SLC39A11: variants seen among roughly 807,000 people sequenced by gnomAD.
The protein encoded by SLC39A11 is zinc transporter ZIP11.
In SLC39A11, 33 loss-of-function variants were observed where a neutral mutation model predicts 36.1. That is an observed-to-expected ratio of 0.91 (90% CI 0.69 to 1.22). The LOEUF is 1.22. Among genes scored for constraint, SLC39A11 ranks in the 50% most tolerant of loss-of-function variants. SLC39A11 has a pLI of 0.00. For missense variants in SLC39A11, 432 were observed against 430.3 expected (o/e 1.00, Z -0.03); for synonymous variants, 166 against 170.3 (o/e 0.97, Z 0.20).
rs142697289 is a variant in SLC39A11 at position 72,892,888 on chromosome 17, A to G, written c.431-43084T>C. ...CAAACTGGAGGGAGTGAGGGAAGGG[A>G]ACGAATGTAGCTAGTCACTCATTGC... On this transcript the variant is annotated intron_variant, in intron 5 of 9. Coordinates refer to ENST00000255559, the MANE Select transcript of SLC39A11 (RefSeq NM_139177.4). Among the ~76,000 whole-genome samples, 7 of 152,310 alleles carry G rather than the reference A, an allele frequency of 4.6e-5. No homozygotes were observed. In the East Asian group the frequency reaches 1.4e-3, roughly 29 times the overall value.
At chr17:73,045,594 T>C (rs1429499976) in intron 3 of SLC39A11, among the ~76,000 whole-genome samples, 1 of 152,172 alleles carries the variant, frequency 6.6e-6, no homozygotes, top group Admixed American at 6.5e-5. Flanking sequence ...TCCAGTCTAA[T>C]AACGCTTAGG....
At chr17:72,972,015 G>T (rs1251769969) in intron 4 of SLC39A11, among the ~76,000 whole-genome samples, 9 of 152,278 alleles carry the variant, frequency 5.9e-5, no homozygotes, top group Admixed American at 3.9e-4. Context: ...AATATGAACT[G>T]TGATCATCAC....
In SLC39A11 at chr17:72,745,972, C is replaced by T. The variant is rs545738019; in HGVS notation, c.602-9253G>A. Among the ~76,000 whole-genome samples the T allele has an allele frequency of 6.6e-5, 10 of 152,170 alleles. No homozygotes were observed. In the South Asian group the frequency reaches 2.1e-3, roughly 32 times the overall value. ...TATTCATTTCCATCTCCCCTAAAGACAGAGTAAGAGAAAAATGACTTAAAT... is the reference window on the plus strand; with the variant it reads ...TATTCATTTCCATCTCCCCTAAAGATAGAGTAAGAGAAAAATGACTTAAAT... On this transcript the variant is annotated intron_variant, in intron 6 of 9. Transcript: ENST00000255559.
intron 7 of SLC39A11, among the ~76,000 whole-genome samples, chr17:72,733,489 A>C (rs529947971): frequency 6.6e-6 from 1 of 152,304 alleles, no homozygotes; most frequent in Admixed American, 6.5e-5. Flanking sequence ...TGCTCAGAAG[A>C]TAAGCTAAGC....
intron 5 of SLC39A11, among the ~76,000 whole-genome samples, chr17:72,903,471 G>C (rs2146973557): frequency 6.6e-6 from 1 of 152,098 alleles, no homozygotes; most frequent in South Asian, 2.1e-4. Context: ...AATAATCAAA[G>C]TTGCTCACGC....
At chr17:72,844,024 A>G (rs761944396) in intron 6 of SLC39A11, among the ~76,000 whole-genome samples, 3 of 151,482 alleles carry the variant, frequency 2.0e-5, no homozygotes, top group African/African-American at 7.4e-5. Context: ...AAAGACAAAA[A>G]ACTTCAAAAA....
intron 4 of SLC39A11, among the ~76,000 whole-genome samples, chr17:72,951,765 C>T (rs565513778): frequency 6.4e-4 from 98 of 152,100 alleles, no homozygotes; most frequent in African/African-American, 2.2e-3. Flanking sequence ...ATGTACTAGC[C>T]CATTATTAAC....
intron 4 of SLC39A11, among the ~76,000 whole-genome samples, chr17:73,003,090 T>C (rs2089911516): frequency 6.6e-6 from 1 of 152,232 alleles, no homozygotes. Context: ...TGAGTATCTC[T>C]GATGGCCCTT....
intron 7 of SLC39A11, among the ~76,000 whole-genome samples, chr17:72,723,551 G>A (rs746365093): frequency 5.3e-5 from 8 of 152,180 alleles, no homozygotes; most frequent in Non-Finnish European, 8.8e-5. Context: ...AAGTACAGGC[G>A]TGAAGAGTGC....
At chr17:72,982,176 A>C (rs1283847391) in intron 4 of SLC39A11, among the ~76,000 whole-genome samples, 1 of 152,180 alleles carries the variant, frequency 6.6e-6, no homozygotes, top group Non-Finnish European at 1.5e-5. Context: ...AAAACCCTAT[A>C]GGGATGGGGT....
At chr17:72,682,115 C>T (rs11077627) in intron 7 of SLC39A11, among the ~76,000 whole-genome samples, 48,266 of 144,612 alleles carry the variant, frequency 0.33, 8,046 homozygotes, top group South Asian at 0.44. Context: ...AAGGGACCTA[C>T]GTTGTGATGA....
chr17:72,756,289 G>A (rs150701014), intron 6 of SLC39A11, among the ~76,000 whole-genome samples: 163 of 152,314 alleles, frequency 1.1e-3, no homozygotes, highest in African/African-American at 3.6e-3. Context: ...GGATACATCC[G>A]TCAAAGCACT....
At chr17:72,997,679 A>T (rs1339814856) in intron 4 of SLC39A11, among the ~76,000 whole-genome samples, 1 of 152,240 alleles carries the variant, frequency 6.6e-6, no homozygotes, top group African/African-American at 2.4e-5. Context: ...TAAATTGCAC[A>T]CTGTTCTGAG....
chr17:73,069,519 G>A (rs1048375378), intron 3 of SLC39A11, among the ~76,000 whole-genome samples: 4 of 152,190 alleles, frequency 2.6e-5, no homozygotes, highest in Admixed American at 6.5e-5. Flanking sequence ...AACAGAACAC[G>A]TTTGGGCCAA....
intron 7 of SLC39A11, among the ~76,000 whole-genome samples, chr17:72,703,732 G>A (rs1167011533): frequency 6.6e-6 from 1 of 152,222 alleles, no homozygotes; most frequent in Non-Finnish European, 1.5e-5. Context: ...ATGAACATAG[G>A]AGATGTTTAG....
chr17:72,911,274 A>G (rs67180784), intron 5 of SLC39A11, among the ~76,000 whole-genome samples: 79,052 of 151,430 alleles, frequency 0.52, 20,568 homozygotes, highest in African/African-American at 0.54. Flanking sequence ...TGTGGGGTGG[A>G]GGAAGGGGGG....
At chr17:73,059,939 G>A (rs1400175257) in intron 3 of SLC39A11, among the ~76,000 whole-genome samples, 2 of 151,974 alleles carry the variant, frequency 1.3e-5, no homozygotes, top group Non-Finnish European at 1.5e-5. Context: ...GCAGGGCGTG[G>A]TGACTCACCC....
At chr17:72,949,384 C>T (rs113972154) in intron 4 of SLC39A11, among the ~76,000 whole-genome samples, 1,627 of 151,958 alleles carry the variant, frequency 0.011, 7 homozygotes, top group South Asian at 0.04. Flanking sequence ...TGGTCTCAAA[C>T]TCCTGACCTC....
At chr17:72,846,382 T>TTG (rs763624450) in intron 6 of SLC39A11, among the ~76,000 whole-genome samples, 7,129 of 152,300 alleles carry the variant, frequency 0.047, 191 homozygotes, top group Non-Finnish European at 0.06. Flanking sequence ...TGACAAAGGC[T>TTG]GAACTTAGAC....
Sources: allele counts gnomAD v4.1 joint callset (sites outside exome capture counted in the v4.1 genomes callset), GRCh38; gene constraint gnomAD v4.1.1; transcripts MANE v1.5; gene names NCBI Gene and HGNC (gene_info 2026-07-23, HGNC 2026-07-21).